Variants in GPC5 observed in about 807,000 individuals in gnomAD.
GPC5 encodes glypican-5.
Under a neutral mutation model 53.9 loss-of-function variants are expected in GPC5, and 47 were observed. That is an observed-to-expected ratio of 0.87 (90% CI 0.69 to 1.11). The LOEUF (loss-of-function observed/expected upper bound fraction) is 1.11, where lower values mean the gene tolerates loss of function less well. GPC5 is among the 50% of genes most tolerant of loss of function. The pLI, the probability that GPC5 is intolerant of heterozygous loss-of-function variation, is 0.00. For missense variants in GPC5, 748 were observed against 713.1 expected, an observed-to-expected ratio of 1.05 and a Z score of -0.56; for synonymous variants, 286 against 263.3, an observed-to-expected ratio of 1.09 and a Z score of -0.84.
At chr13:91,971,137 T>C (rs1413358527) in intron 6 of GPC5, among the ~76,000 whole-genome samples, 2 of 152,200 alleles carry the variant, frequency 1.3e-5, no homozygotes, top group Non-Finnish European at 2.9e-5. Flanking sequence ...ATTCCCACAA[T>C]TTCAGAGCCT....
At chr13:91,729,867 C>G (rs149347283) in intron 4 of GPC5, among the ~76,000 whole-genome samples, 248 of 152,236 alleles carry the variant, frequency 1.6e-3, no homozygotes, top group Middle Eastern at 3.4e-3. Flanking sequence ...AAAACCCAAC[C>G]TTTAATATAA....
intron 6 of GPC5, among the ~76,000 whole-genome samples, chr13:91,983,138 G>A (rs1166123083): frequency 1.3e-5 from 2 of 152,032 alleles, no homozygotes; most frequent in Non-Finnish European, 2.9e-5. Flanking sequence ...GAGGTCAGGA[G>A]ATCGAGACCA....
At chr13:92,139,796 T>C (rs958177223) in intron 6 of GPC5, among the ~76,000 whole-genome samples, 2 of 152,162 alleles carry the variant, frequency 1.3e-5, no homozygotes, top group Admixed American at 6.5e-5. Flanking sequence ...TCAGGGTCTT[T>C]GATGATTTTC....
At chr13:92,460,097 C>T (rs2139408758) in intron 7 of GPC5, among the ~76,000 whole-genome samples, 1 of 152,082 alleles carries the variant, frequency 6.6e-6, no homozygotes, top group South Asian at 2.1e-4. Flanking sequence ...TACAAACAAT[C>T]TTAATCTGGA....
intron 7 of GPC5, among the ~76,000 whole-genome samples, chr13:92,157,515 GA>G (rs1464282866): frequency 6.6e-6 from 1 of 152,124 alleles, no homozygotes; most frequent in African/African-American, 2.4e-5. Flanking sequence ...CCTTGAAAAA[GA>G]GAATCCTGGC....
chr13:92,136,401 G>C (rs944768784), intron 6 of GPC5, among the ~76,000 whole-genome samples: 11 of 151,956 alleles, frequency 7.2e-5, no homozygotes, highest in African/African-American at 2.4e-4. Context: ...TTTAAAGATG[G>C]TTTATCAATC....
chr13:92,552,644 T>C (rs1394449492), intron 7 of GPC5, among the ~76,000 whole-genome samples: 6 of 151,940 alleles, frequency 3.9e-5, no homozygotes, highest in African/African-American at 1.2e-4. Flanking sequence ...ATGCTCTGCA[T>C]TGATTTCTCC....
chr13:92,612,378 C>T (rs78263257), intron 7 of GPC5, among the ~76,000 whole-genome samples: 3,714 of 152,096 alleles, frequency 0.024, 149 homozygotes, highest in African/African-American at 0.085. Flanking sequence ...CTTGAATCCA[C>T]ATGGAAAATG....
At chr13:91,540,754 T>C (rs958544582) in intron 2 of GPC5, among the ~76,000 whole-genome samples, 4 of 152,222 alleles carry the variant, frequency 2.6e-5, no homozygotes, top group African/African-American at 9.6e-5. Context: ...TTTGTTTGGC[T>C]GTTCCATTTT....
At chr13:91,966,856 G>A (rs1013548328) in intron 6 of GPC5, among the ~76,000 whole-genome samples, 1 of 152,138 alleles carries the variant, frequency 6.6e-6, no homozygotes, top group African/African-American at 2.4e-5. Flanking sequence ...ACTACTGAGA[G>A]TTTAACAACA....
intron 6 of GPC5, among the ~76,000 whole-genome samples, chr13:92,130,737 G>C (rs1387924411): frequency 6.6e-6 from 1 of 151,952 alleles, no homozygotes; most frequent in East Asian, 1.9e-4. Flanking sequence ...ACAACAAAGA[G>C]TGGGAGTAGC....
At position 92,420,228 on chromosome 13, in the gene GPC5, T is replaced by C. The variant is rs866154790; in HGVS notation, c.1561+275239T>C. 5.9e-5 allele frequency among the ~76,000 whole-genome samples: 9 copies of C among 152,344 alleles called. No individual in the cohort carries two copies. The South Asian group carries it at 8.3e-4, about 14-fold the overall frequency. Reference sequence around the variant, plus strand: ...TCATTGTTTAGCACAAAATTATTTTTGATTCATTCATTTCAAGCCAAAATA... The same window carrying C: ...TCATTGTTTAGCACAAAATTATTTTCGATTCATTCATTTCAAGCCAAAATA... On this transcript the variant is annotated intron_variant, in intron 7 of 7. Coordinates refer to ENST00000377067, the MANE Select transcript of GPC5 (RefSeq NM_004466.6).
At chr13:92,818,007 G>A (rs1049528395) in intron 7 of GPC5, among the ~76,000 whole-genome samples, 1 of 142,596 alleles carries the variant, frequency 7.0e-6, no homozygotes, top group Non-Finnish European at 1.5e-5. Context: ...TGCCTAAATT[G>A]CATTTTTTTT....
intron 6 of GPC5, among the ~76,000 whole-genome samples, chr13:91,990,488 A>AAAG (rs2040447140): frequency 6.6e-6 from 1 of 152,260 alleles, no homozygotes; most frequent in African/African-American, 2.4e-5. Context: ...ACACCAAGAC[A>AAAG]AAGGCAGGTA....
intron 3 of GPC5, among the ~76,000 whole-genome samples, chr13:91,701,800 C>T (rs759838743): frequency 5.9e-5 from 9 of 151,974 alleles, no homozygotes; most frequent in South Asian, 2.1e-4. Context: ...CATATCTTTT[C>T]GATGTATACC....
chr13:92,612,024 C>T (rs1026765951), intron 7 of GPC5, among the ~76,000 whole-genome samples: 1 of 152,106 alleles, frequency 6.6e-6, no homozygotes, highest in East Asian at 1.9e-4. Context: ...TAAAAATGAA[C>T]TCTCTTACTA....
intron 5 of GPC5, among the ~76,000 whole-genome samples, chr13:91,818,997 T>C (rs2038445152): frequency 6.6e-6 from 1 of 152,074 alleles, no homozygotes; most frequent in East Asian, 1.9e-4. Flanking sequence ...GTGAACATCA[T>C]GTAAACAACA....
intron 5 of GPC5, among the ~76,000 whole-genome samples, chr13:91,796,824 T>A (rs762319460): frequency 6.6e-6 from 1 of 152,210 alleles, no homozygotes; most frequent in African/African-American, 2.4e-5. Context: ...TTTTTTCTGC[T>A]TTATTTGAAT....
At chr13:92,417,708 A>G (rs186194779) in intron 7 of GPC5, among the ~76,000 whole-genome samples, 89 of 152,134 alleles carry the variant, frequency 5.9e-4, no homozygotes, top group African/African-American at 2.0e-3. Flanking sequence ...CCCCATCTCT[A>G]CCTGCTCCCA....
Sources: allele counts gnomAD v4.1 joint callset (sites outside exome capture counted in the v4.1 genomes callset), GRCh38; gene constraint gnomAD v4.1.1; transcripts MANE v1.5; gene names NCBI Gene and HGNC (gene_info 2026-07-23, HGNC 2026-07-21).